The following CDH18 variants were observed in gnomAD, a reference collection of about 807,000 sequenced individuals.
CDH18 encodes the protein cadherin-18.
In CDH18, 31 loss-of-function variants were observed where a neutral mutation model predicts 67.9. The observed-to-expected ratio is 0.46, with a 90% CI of 0.34 to 0.62. The LOEUF is 0.62. Among genes scored for constraint, CDH18 ranks in the 20% least tolerant of loss-of-function variants. CDH18 has a pLI of 0.01. For missense variants in CDH18, 890 were observed against 975.5 expected (o/e 0.91, Z 1.17); for synonymous variants, 362 against 347.2 (o/e 1.04, Z -0.48).
chr5:20,314,771 A>C (rs1737314611), intron 1 of CDH18, among the ~76,000 whole-genome samples: 1 of 152,102 alleles, frequency 6.6e-6, no homozygotes. Flanking sequence ...ACCCTCTCTG[A>C]ATGTATCAAG....
intron 2 of CDH18, among the ~76,000 whole-genome samples, chr5:19,937,978 G>A (rs1794453245): frequency 7.2e-6 from 1 of 138,466 alleles, no homozygotes; most frequent in African/African-American, 3.1e-5. Flanking sequence ...TATATATAGT[G>A]TATATAAATA....
At chr5:19,645,414 A>G (rs1332211941) in intron 5 of CDH18, among the ~76,000 whole-genome samples, 1 of 152,144 alleles carries the variant, frequency 6.6e-6, no homozygotes, top group African/African-American at 2.4e-5. Context: ...GCTGGAGTGG[A>G]ATGGATGGGA....
chr5:20,066,377 A>G (rs2150517191), intron 2 of CDH18, among the ~76,000 whole-genome samples: 1 of 152,188 alleles, frequency 6.6e-6, no homozygotes, highest in South Asian at 2.1e-4. Context: ...AATAAAACAT[A>G]TTTGGGATGC....
intron 2 of CDH18, among the ~76,000 whole-genome samples, chr5:19,899,225 C>G (rs1789667039): frequency 6.6e-6 from 1 of 152,052 alleles, no homozygotes; most frequent in African/African-American, 2.4e-5. Context: ...CATGGAGAAA[C>G]CCCGCCTCTA....
Position 20,542,888 on chromosome 5 carries a change from A to G in CDH18, c.-580+32574T>C, listed in dbSNP as rs1030065706. On this transcript the variant is annotated intron_variant, in intron 1 of 14. Coordinates refer to the CDH18 transcript ENST00000507958. ...GTGTATTTTAATATCTAGTAAGACA[A>G]TCTACAGTTTTTATTGTTTTATTTT... is the stretch of plus-strand genomic sequence containing the variant. 2.0e-5 allele frequency among the ~76,000 whole-genome samples: 3 copies of G among 152,144 alleles called. No homozygotes were observed. In the East Asian group the frequency reaches 5.8e-4, roughly 29 times the overall value.
At chr5:19,580,906 T>C (rs1459087558) in intron 7 of CDH18, among the ~76,000 whole-genome samples, 1 of 151,976 alleles carries the variant, frequency 6.6e-6, no homozygotes, top group Non-Finnish European at 1.5e-5. Flanking sequence ...TAGTGGAATA[T>C]AATAAATTCA....
intron 1 of CDH18, among the ~76,000 whole-genome samples, chr5:20,381,768 C>T (rs948872488): frequency 1.3e-5 from 2 of 152,046 alleles, no homozygotes; most frequent in African/African-American, 2.4e-5. Context: ...GGTTAGAGAC[C>T]TCTTCCCGTT....
intron 12 of CDH18, among the ~76,000 whole-genome samples, chr5:19,476,809 C>T (rs1738544964): frequency 6.6e-6 from 1 of 151,906 alleles, no homozygotes; most frequent in Non-Finnish European, 1.5e-5. Context: ...ATCAATACTG[C>T]CATAGAGGTA....
At chr5:19,622,051 T>C (rs569183681) in intron 5 of CDH18, among the ~76,000 whole-genome samples, 1 of 152,268 alleles carries the variant, frequency 6.6e-6, no homozygotes, top group South Asian at 2.1e-4. Flanking sequence ...GAAACAGCTA[T>C]GGGATCCTGC....
intron 7 of CDH18, among the ~76,000 whole-genome samples, chr5:19,590,847 A>G (rs918202587): frequency 3.3e-5 from 5 of 152,136 alleles, no homozygotes; most frequent in African/African-American, 1.2e-4. Flanking sequence ...TGTAGTCTAC[A>G]TCAGATCTTC....
At chr5:20,555,985 T>C (rs1164172346) in intron 1 of CDH18, among the ~76,000 whole-genome samples, 2 of 152,166 alleles carry the variant, frequency 1.3e-5, no homozygotes, top group Admixed American at 6.6e-5. Context: ...CTAGCATTCA[T>C]TCAATTTTTC....
At chr5:20,048,469 A>G (rs1362136561) in intron 2 of CDH18, among the ~76,000 whole-genome samples, 1 of 151,768 alleles carries the variant, frequency 6.6e-6, no homozygotes, top group Non-Finnish European at 1.5e-5. Context: ...TCATTAAACC[A>G]TTTACAAGTC....
intron 2 of CDH18, among the ~76,000 whole-genome samples, chr5:19,862,398 A>G (rs1255470155): frequency 6.6e-6 from 1 of 152,168 alleles, no homozygotes; most frequent in Non-Finnish European, 1.5e-5. Context: ...TGTTCATTCA[A>G]TCCCTCAAAA....
intron 2 of CDH18, among the ~76,000 whole-genome samples, chr5:20,187,378 T>C (rs1177891073): frequency 6.6e-6 from 1 of 151,890 alleles, no homozygotes; most frequent in Non-Finnish European, 1.5e-5. Flanking sequence ...TAGATAACCA[T>C]GGAATGTACT....
intron 5 of CDH18, among the ~76,000 whole-genome samples, chr5:19,639,696 C>T (rs1349944080): frequency 1.3e-5 from 2 of 152,296 alleles, no homozygotes; most frequent in Admixed American, 6.5e-5. Context: ...AACAAATAGC[C>T]CTGTGCTCCA....
chr5:20,079,099 A>G (rs937911345), intron 2 of CDH18, among the ~76,000 whole-genome samples: 1 of 152,122 alleles, frequency 6.6e-6, no homozygotes, highest in African/African-American at 2.4e-5. Context: ...CCCTATTTTG[A>G]ATGTACAATC....
chr5:20,056,538 C>T (rs2150500867), intron 2 of CDH18, among the ~76,000 whole-genome samples: 2 of 35,030 alleles, frequency 5.7e-5, no homozygotes, highest in Non-Finnish European at 1.1e-4. Context: ...TTCATTTTGT[C>T]TATGTAAATG....
At chr5:19,801,189 C>T (rs193064783) in intron 3 of CDH18, among the ~76,000 whole-genome samples, 3 of 152,042 alleles carry the variant, frequency 2.0e-5, no homozygotes, top group African/African-American at 7.2e-5. Context: ...GAAAAAAATC[C>T]TTGGTTTCCT....
chr5:20,130,495 A>G (rs578110175), intron 2 of CDH18, among the ~76,000 whole-genome samples: 5 of 151,682 alleles, frequency 3.3e-5, no homozygotes, highest in African/African-American at 7.3e-5. Context: ...AGTGATATAA[A>G]TGTTAATTTC....
Sources: gnomAD v4.1 joint callset for allele counts (sites outside exome capture counted in the v4.1 genomes callset) on GRCh38, gnomAD v4.1.1 for gene constraint, MANE v1.5 for transcripts, NCBI Gene and HGNC (gene_info 2026-07-23, HGNC 2026-07-21) for gene names.